The following SH3BP4 variants were observed in gnomAD, a reference collection of about 807,000 sequenced individuals.
The protein encoded by SH3BP4 is SH3 domain-binding protein 4.
In SH3BP4, 33 loss-of-function variants were observed where a neutral mutation model predicts 65.5. That is an observed-to-expected ratio of 0.50 (90% CI 0.38 to 0.67). The LOEUF is 0.67. Among genes scored for constraint, SH3BP4 ranks in the 30% least tolerant of loss-of-function variants. The probability of loss-of-function intolerance (pLI) is 0.00; values close to 1 mark genes in which losing one functional copy is unlikely to be tolerated. For synonymous variants in SH3BP4, 552 were observed against 545.5 expected (o/e 1.01, Z -0.17); for missense variants, 1,134 against 1,261.4 (o/e 0.90, Z 1.53).
Position 235,055,594 on chromosome 2 carries a change from G to A in SH3BP4, c.*1778G>A, listed in dbSNP as rs578105369. On this transcript the variant is annotated 3_prime_UTR_variant, in exon 6 of 6. Coordinates refer to ENST00000392011, the MANE Select transcript of SH3BP4 (RefSeq NM_014521.3). ...AATAGTTTCCTATGCAACGTGTCTT[G>A]TAGCACAAATAAAATTCTACAAAAG... 2 of 152,714 alleles carry A rather than the reference G, an allele frequency of 1.3e-5. No individual in the cohort carries two copies. The highest frequency in any genetic ancestry group is 3.9e-4 in the East Asian group (2 of 5,170). 9.5% of individuals were successfully genotyped at this position (152,714 alleles called of 1,614,324 possible).
intron 1 of SH3BP4, among the ~76,000 whole-genome samples, chr2:234,960,871 C>T (rs1278212950): frequency 3.3e-5 from 5 of 152,198 alleles, no homozygotes; most frequent in African/African-American, 4.8e-5. Context: ...ACATGGCTCA[C>T]GTATCATGTT....
intron 1 of SH3BP4, among the ~76,000 whole-genome samples, chr2:234,983,051 A>G (rs568237965): frequency 7.9e-5 from 12 of 152,344 alleles, no homozygotes; most frequent in Admixed American, 1.3e-4. Flanking sequence ...CTGTTCAGGC[A>G]GCAGGTGCTA....
Position 235,042,771 on chromosome 2 carries a change from C to G in SH3BP4, c.2002C>G (p.Gln668Glu), listed in dbSNP as rs1345818586. The change falls in exon 4 of 6, where the codon CAG (glutamine) becomes GAG (glutamate). Residue 668 changes from glutamine (Q) to glutamate (E), a missense_variant. Physicochemically the swap from Gln to Glu is conservative, Grantham distance 29. Transcript: ENST00000392011. This position sits in a 1 kb window ranked among gnomAD's most constrained non-coding sequence, Gnocchi z 7.3. ...FGKLLKTVVR[Q>E]NKNHYLLEYK... Reference sequence around the variant, plus strand: ...TAAGTTGCTCAAGACTGTGGTGCGGCAGAACAAGAACCACTACCTGCTGGA... The same window carrying G: ...TAAGTTGCTCAAGACTGTGGTGCGGGAGAACAAGAACCACTACCTGCTGGA... 1.2e-6 allele frequency: 2 copies of G among 1,614,172 alleles called. No individual in the cohort carries two copies. The highest frequency in any genetic ancestry group is 4.5e-5 in the East Asian group (2 of 44,876).
At chr2:234,979,094 G>C (rs1006105475) in intron 1 of SH3BP4, 7 of 152,206 alleles carry the variant, frequency 4.6e-5, no homozygotes, top group African/African-American at 1.7e-4. Context: ...GTTCTGTGGG[G>C]TGCTAAGGGA....
intron 3 of SH3BP4, among the ~76,000 whole-genome samples, chr2:235,038,375 A>ATTT (rs1559254624): frequency 0.057 from 2,275 of 39,764 alleles, 348 homozygotes; most frequent in South Asian, 0.26. Context: ...TAATATATAT[A>ATTT]CATATATATA....
chr2:235,035,223 A>T lies in SH3BP4; in HGVS notation c.118+103A>T. ...TTTAAAGATTGCCAGTTTAGCATTC[A>T]GATAGTTAAAGTTTAGTTCTTTAAA... On this transcript the variant is annotated intron_variant, in intron 3 of 5. Coordinates refer to ENST00000392011, the MANE Select transcript of SH3BP4 (RefSeq NM_014521.3). The surrounding 1 kb of genome is among the most constrained non-coding windows in gnomAD (Gnocchi z 5.0). 1.2e-6 allele frequency: 1 copy of T among 833,690 alleles called. No individual in the cohort carries two copies. Among genetic ancestry groups the T allele is most frequent in the Non-Finnish European group, 2.1e-6 (1 of 484,174 alleles). 51.6% of individuals were successfully genotyped at this position (833,690 alleles called of 1,614,324 possible).
chr2:235,032,751 C>G (rs1342222713), intron 2 of SH3BP4, among the ~76,000 whole-genome samples: 1 of 152,100 alleles, frequency 6.6e-6, no homozygotes, highest in Admixed American at 6.5e-5. Context: ...GTGCCAGACC[C>G]CAGCAGAGGG....
At chr2:234,985,541 CTG>C (rs1429525875) in intron 1 of SH3BP4, among the ~76,000 whole-genome samples, 1 of 152,034 alleles carries the variant, frequency 6.6e-6, no homozygotes, top group Non-Finnish European at 1.5e-5. Context: ...TTTTCACTCT[CTG>C]TGCACAGGTG....
intron 2 of SH3BP4, among the ~76,000 whole-genome samples, chr2:235,002,132 G>A (rs950621554): frequency 1.3e-5 from 2 of 152,182 alleles, no homozygotes; most frequent in African/African-American, 4.8e-5. Context: ...AGAGTGCTGG[G>A]ATTACAGGTG....
intron 1 of SH3BP4, among the ~76,000 whole-genome samples, chr2:234,960,613 T>C (rs1379049583): frequency 1.3e-5 from 2 of 152,190 alleles, no homozygotes; most frequent in East Asian, 1.9e-4. Flanking sequence ...TCAGAACTGC[T>C]GAATTGGGGG....
At chr2:235,021,619 CAA>C (rs60474372) in intron 2 of SH3BP4, among the ~76,000 whole-genome samples, 4,072 of 101,218 alleles carry the variant, frequency 0.04, 145 homozygotes, top group African/African-American at 0.12. Flanking sequence ...ACTTTGTCTC[CAA>C]AAAAAAAAAA....
intron 1 of SH3BP4, among the ~76,000 whole-genome samples, chr2:234,987,613 A>G (rs965653197): frequency 1.3e-5 from 2 of 152,118 alleles, no homozygotes; most frequent in Admixed American, 1.3e-4. Context: ...CATGCGAGAG[A>G]GTTCCGAGGT....
At chr2:235,031,797 C>T (rs1031590442) in intron 2 of SH3BP4, among the ~76,000 whole-genome samples, 5 of 152,264 alleles carry the variant, frequency 3.3e-5, no homozygotes, top group African/African-American at 1.2e-4. Context: ...CTCCAGGTAA[C>T]AGTTCCTGTT....
At chr2:234,979,699 T>C (rs1479726297) in intron 1 of SH3BP4, 1 of 152,206 alleles carries the variant, frequency 6.6e-6, no homozygotes, top group African/African-American at 2.4e-5. Flanking sequence ...CAGGCTGCCA[T>C]ATAGAGAGGC....
In SH3BP4 at chr2:235,030,649, G is replaced by T. The variant is rs1329718913; in HGVS notation, c.-132-4222G>T. 2.6e-5 allele frequency among the ~76,000 whole-genome samples: 4 copies of T among 152,232 alleles called. No individual in the cohort carries two copies. The highest frequency in any genetic ancestry group is 9.6e-5 in the African/African-American group (4 of 41,560). The stretch of plus-strand genomic sequence containing the variant: ...AGGCTGAGCTGGGAGGAGGAGGAGG[G>T]GTGGGAGGGGAGAGGATTCTGCTGT... On this transcript the variant is annotated intron_variant, in intron 2 of 5. Coordinates refer to ENST00000392011, the MANE Select transcript of SH3BP4 (RefSeq NM_014521.3). The surrounding 1 kb of genome is among the most constrained non-coding windows in gnomAD (Gnocchi z 4.1).
intron 1 of SH3BP4, among the ~76,000 whole-genome samples, chr2:234,983,656 A>G (rs547192798): frequency 8.5e-5 from 13 of 152,330 alleles, no homozygotes; most frequent in African/African-American, 2.6e-4. Flanking sequence ...GATACCCTGG[A>G]TTACCCAGAT....
intron 1 of SH3BP4, chr2:234,983,306 A>AT (rs1435209972): frequency 6.6e-6 from 1 of 152,226 alleles, no homozygotes; most frequent in African/African-American, 2.4e-5. Context: ...GGTACTCTAT[A>AT]AATCATCCAT....
rs1270555074 is a variant in SH3BP4, at chr2:234,952,260, C to T, written c.-207+90C>T. The T allele has an allele frequency of 6.6e-6, 1 of 150,544 alleles. No individual in the cohort carries two copies. The highest frequency in any genetic ancestry group is 2.4e-5 in the African/African-American group (1 of 41,202). 9.3% of individuals were successfully genotyped at this position (150,544 alleles called of 1,614,324 possible). On this transcript the variant is annotated intron_variant, in intron 1 of 5. Coordinates refer to ENST00000392011, the MANE Select transcript of SH3BP4 (RefSeq NM_014521.3). This position sits in a 1 kb window ranked among gnomAD's most constrained non-coding sequence, Gnocchi z 6.5. The stretch of plus-strand genomic sequence containing the variant: ...GTCGTGCTCGGGGGCTTTGCACTCC[C>T]TTGCGGGCGCAGATCGTGCCGCGGG...
chr2:235,023,045 G>A (rs995222717), intron 2 of SH3BP4, among the ~76,000 whole-genome samples: 3 of 152,082 alleles, frequency 2.0e-5, no homozygotes, highest in African/African-American at 4.8e-5. Context: ...TTCATGTAAC[G>A]GCAAAATGAC....
Sources: gnomAD v4.1 joint callset for allele counts (sites outside exome capture counted in the v4.1 genomes callset) on GRCh38, gnomAD v4.1.1 for gene constraint, Gnocchi (gnomAD v3.1) non-coding constraint, MANE v1.5 for transcripts, NCBI Gene and HGNC (gene_info 2026-07-23, HGNC 2026-07-21) for gene names.